Variants in SLF1 observed in about 807,000 individuals in gnomAD.
SLF1 encodes the protein SMC5-SMC6 complex localization factor protein 1.
SLF1 carries 105 observed loss-of-function variants against 123.0 expected under a neutral mutation model. The observed-to-expected ratio is 0.85, with a 90% CI of 0.73 to 1.00. The LOEUF is 1.00. Ranked by LOEUF, SLF1 falls within the 50% of genes least tolerant of loss-of-function variation. The pLI, the probability that SLF1 is intolerant of heterozygous loss-of-function variation, is 0.00. For synonymous variants in SLF1, 434 were observed against 406.6 expected (o/e 1.07, Z -0.81); for missense variants, 1,239 against 1,223.0 (o/e 1.01, Z -0.20).
chr5:94,691,626 T>C lies in SLF1; in HGVS notation c.2482T>C (p.Ser828Pro), dbSNP rs1424717687. 2.5e-6 allele frequency: 4 copies of C among 1,612,014 alleles called. No homozygotes were observed. The highest frequency in any genetic ancestry group is 3.4e-6 in the Non-Finnish European group (4 of 1,179,458). ...NQVEKLILLL[S>P]LPGIDINVKD... is the part of the protein sequence containing the mutation. ...AGTGGAGAAATTGATTCTTCTTCTCTCTTTGCCAGGAATAGACATCAATGT... is the reference window on the plus strand; with the variant it reads ...AGTGGAGAAATTGATTCTTCTTCTCCCTTTGCCAGGAATAGACATCAATGT... Residue 828 changes from serine (S) to proline (P), a missense_variant, in exon 19 of 21, where the codon TCT (serine) becomes CCT (proline). Ser to Pro is a moderately conservative substitution (Grantham distance 74). Transcript: ENST00000265140.
chr5:94,686,783 T>A, intron 16 of SLF1, 65 bp downstream of exon 16: 1 of 1,446,636 alleles, frequency 6.9e-7, no homozygotes, highest in Non-Finnish European at 9.3e-7. Flanking sequence ...TCAATTTTAT[T>A]TATTTAGTTA....
intron 14 of SLF1, among the ~76,000 whole-genome samples, chr5:94,677,853 G>A (rs1387372600): frequency 1.3e-5 from 2 of 151,864 alleles, no homozygotes; most frequent in African/African-American, 4.8e-5. Flanking sequence ...TAGAAGGTTT[G>A]TATGCCTTGT....
chr5:94,687,626 C>T (rs1027924675), intron 16 of SLF1, among the ~76,000 whole-genome samples: 6 of 152,008 alleles, frequency 3.9e-5, no homozygotes, highest in South Asian at 4.2e-4. Context: ...CCCAGGAGGT[C>T]GAGGCAGCAG....
intron 5 of SLF1, 130 bp from the exon 6 acceptor site, chr5:94,649,324 T>C (rs886400601): frequency 8.9e-6 from 6 of 674,506 alleles, no homozygotes; most frequent in Non-Finnish European, 1.3e-5. Context: ...CATCCTTTGA[T>C]TTAAGAGGGT....
intron 14 of SLF1, chr5:94,678,531 A>G (rs984458074): frequency 8.8e-5 from 19 of 215,438 alleles, no homozygotes; most frequent in Non-Finnish European, 1.7e-4. Flanking sequence ...TTTCCTAACA[A>G]ACTTGATGGT....
chr5:94,689,806 T>G (rs1256402971), intron 18 of SLF1, among the ~76,000 whole-genome samples, 200 bp downstream of exon 18: 2 of 152,120 alleles, frequency 1.3e-5, no homozygotes, highest in Admixed American at 1.3e-4. Context: ...ACCAGTATAA[T>G]AGAGTATTCT....
chr5:94,633,405 A>C (rs1029517186), intron 4 of SLF1, among the ~76,000 whole-genome samples: 1 of 152,214 alleles, frequency 6.6e-6, no homozygotes, highest in Non-Finnish European at 1.5e-5. Flanking sequence ...TGCAATTTTT[A>C]AAAATGATTT....
intron 7 of SLF1, among the ~76,000 whole-genome samples, chr5:94,652,623 A>G (rs1222139071): frequency 6.6e-6 from 1 of 152,118 alleles, no homozygotes; most frequent in African/African-American, 2.4e-5. Context: ...AAGTTTTTGC[A>G]ATTATGAACA....
chr5:94,625,989 T>C (rs1792203813), intron 1 of SLF1, among the ~76,000 whole-genome samples: 1 of 152,014 alleles, frequency 6.6e-6, no homozygotes, highest in South Asian at 2.1e-4. Flanking sequence ...GCGCGGTGGC[T>C]CACGCTTGTA....
At chr5:94,635,190 A>G (rs12654602) in intron 4 of SLF1, among the ~76,000 whole-genome samples, 33,846 of 151,754 alleles carry the variant, frequency 0.22, 3,891 homozygotes, top group East Asian at 0.35. Flanking sequence ...CAGTTTTTCA[A>G]TGTAAATTCT....
chr5:94,696,857 A>G lies in SLF1; in HGVS notation c.*1545A>G, dbSNP rs1319930085. On this transcript the variant is annotated 3_prime_UTR_variant, in exon 21 of 21. Coordinates refer to ENST00000265140, the MANE Select transcript of SLF1 (RefSeq NM_032290.4). ...CACCAGGTATCTTTGTCATGATAGA[A>G]TTGTTAGCATATCACATCATATGAC... 2.6e-5 allele frequency: 4 copies of G among 151,848 alleles called. No homozygotes were observed. Among genetic ancestry groups the G allele is most frequent in the African/African-American group, 9.7e-5 (4 of 41,410 alleles). The allele number at this position is 151,848 out of a possible 1,614,324, so 9.4% of individuals were successfully genotyped here. A position where few individuals can be genotyped will look rare whatever the true frequency, so the allele number is the denominator to read the frequency against.
At chr5:94,655,382 T>TG (rs1748256269) in intron 9 of SLF1, among the ~76,000 whole-genome samples, 2 of 152,154 alleles carry the variant, frequency 1.3e-5, no homozygotes, top group Admixed American at 1.3e-4. Flanking sequence ...AGCTCAGCAT[T>TG]GCTTTGGGTA....
intron 4 of SLF1, among the ~76,000 whole-genome samples, chr5:94,638,040 A>G (rs193283285): frequency 3.3e-5 from 5 of 152,248 alleles, no homozygotes; most frequent in South Asian, 2.1e-4. Flanking sequence ...ACATCCCACA[A>G]TAGCTTTGCA....
chr5:94,684,429 T>C (rs1020094371), intron 15 of SLF1, among the ~76,000 whole-genome samples: 7 of 152,184 alleles, frequency 4.6e-5, no homozygotes, highest in Admixed American at 4.6e-4. Context: ...CCAGGTGCGG[T>C]GGGTCACCCC....
At chr5:94,618,441 C>T (rs561000498), upstream of SLF1, 1 of 152,726 alleles carries the variant, frequency 6.5e-6, no homozygotes, top group South Asian at 2.1e-4. Flanking sequence ...TAATGCTGCA[C>T]AGAGCCCCGG....
In SLF1 at chr5:94,688,678, T is replaced by C. The variant is rs1752724074; in HGVS notation, c.2285+9T>C. ...GGGCTGCCAGAGTTACTGTAAGTGATGCTGATATCCCAGCTGTGCTTTGTT... is the reference window on the plus strand; with the variant it reads ...GGGCTGCCAGAGTTACTGTAAGTGACGCTGATATCCCAGCTGTGCTTTGTT... On this transcript the variant is annotated intron_variant, in intron 17 of 20. Coordinates refer to ENST00000265140, the MANE Select transcript of SLF1 (RefSeq NM_032290.4). The C allele has an allele frequency of 6.2e-7, 1 of 1,613,662 alleles. No individual in the cohort carries two copies. The highest frequency in any genetic ancestry group is 8.5e-7 in the Non-Finnish European group (1 of 1,179,682).
chr5:94,631,381 T>C (rs1561423077), intron 4 of SLF1, among the ~76,000 whole-genome samples: 2 of 152,232 alleles, frequency 1.3e-5, no homozygotes, highest in South Asian at 2.1e-4. Flanking sequence ...TACATTATCC[T>C]ATAATGTTCT....
At chr5:94,660,068 T>C (rs1235966978) in intron 9 of SLF1, among the ~76,000 whole-genome samples, 1 of 152,134 alleles carries the variant, frequency 6.6e-6, no homozygotes, top group Non-Finnish European at 1.5e-5. Context: ...TCCTGGTAGC[T>C]GGTGTGATGG....
intron 14 of SLF1, 135 bp from the exon 15 acceptor site, chr5:94,678,673 G>T (rs924881418): frequency 4.1e-5 from 29 of 715,712 alleles, no homozygotes; most frequent in Middle Eastern, 8.2e-4. Flanking sequence ...GGGTTCTTAA[G>T]AATACCTTTA....
Sources: gnomAD v4.1 joint callset for allele counts (sites outside exome capture counted in the v4.1 genomes callset) on GRCh38, gnomAD v4.1.1 for gene constraint, MANE v1.5 for transcripts, NCBI Gene and HGNC (gene_info 2026-07-23, HGNC 2026-07-21) for gene names.